Variants in PCDHA2 observed in about 807,000 individuals in gnomAD.
PCDHA2 encodes protocadherin alpha-2.
A neutral mutation model predicts 66.0 loss-of-function variants in PCDHA2; 58 were observed. The ratio of observed to expected loss-of-function variants is 0.88; its 90% confidence interval spans 0.71 to 1.09. The LOEUF (loss-of-function observed/expected upper bound fraction) is 1.09. PCDHA2 is among the 50% of genes least tolerant of loss of function. The probability of loss-of-function intolerance (pLI) is 0.00; values close to 1 mark genes in which losing one functional copy is unlikely to be tolerated. For synonymous variants in PCDHA2, 634 were observed against 554.0 expected (o/e 1.14, Z -2.03); for missense variants, 1,267 against 1,242.3 (o/e 1.02, Z -0.30).
At chr5:140,866,880 C>T (rs1270572722) in intron 1 of PCDHA2, 2 of 152,032 alleles carry the variant, frequency 1.3e-5, no homozygotes, top group Non-Finnish European at 2.9e-5. Context: ...TTGGTATTAG[C>T]CTATACCCAG....
At chr5:140,802,166 G>C in intron 1 of PCDHA2, 1 of 1,614,168 alleles carries the variant, frequency 6.2e-7, no homozygotes, top group Non-Finnish European at 8.5e-7. Context: ...TAGAAGCCAC[G>C]GATAAAGGAA....
chr5:140,927,191 T>C, intron 1 of PCDHA2: 16 of 1,614,144 alleles, frequency 9.9e-6, no homozygotes, highest in Non-Finnish European at 1.4e-5. Context: ...TACGACCTGG[T>C]GCTCGAGGAC....
intron 1 of PCDHA2, among the ~76,000 whole-genome samples, chr5:140,798,630 A>C (rs1177258898): frequency 2.6e-5 from 4 of 152,184 alleles, no homozygotes; most frequent in African/African-American, 7.2e-5. Flanking sequence ...ATTTTCCATT[A>C]ATGTGAGCTC....
At chr5:140,979,966 A>G (rs1029035910) in intron 2 of PCDHA2, among the ~76,000 whole-genome samples, 7 of 152,258 alleles carry the variant, frequency 4.6e-5, no homozygotes, top group Non-Finnish European at 7.3e-5. Context: ...TTAGCCCATT[A>G]AAATGCATTA....
intron 1 of PCDHA2, chr5:140,836,726 C>A (rs1326875671): frequency 1.9e-6 from 3 of 1,610,534 alleles, no homozygotes; most frequent in Non-Finnish European, 2.5e-6. Context: ...AGGGTCCATC[C>A]TCTACAGACA....
chr5:140,847,929 T>C (rs1164805160), intron 1 of PCDHA2: 1 of 151,198 alleles, frequency 6.6e-6, no homozygotes, highest in African/African-American at 2.4e-5. Context: ...CACTAGAGAT[T>C]GCAACTCCTG....
chr5:140,963,021 G>A (rs2095729854), intron 1 of PCDHA2, among the ~76,000 whole-genome samples: 1 of 152,150 alleles, frequency 6.6e-6, no homozygotes, highest in Non-Finnish European at 1.5e-5. Flanking sequence ...AGAAAATGAA[G>A]CAATTAACAT....
rs17844248 is a variant in PCDHA2 at position 140,796,116 on chromosome 5, T to C, written c.1152T>C (p.His384=). The C allele has an allele frequency of 1.9e-6, 3 of 1,614,092 alleles. No individual in the cohort carries two copies. Among genetic ancestry groups the C allele is most frequent in the Non-Finnish European group, 2.5e-6 (3 of 1,180,038 alleles). Reference sequence around the variant, plus strand: ...ATCGCGACTCTGGTACGAATGGACATGTCACCTGCTCCCTGACGCCCCACG... The same window carrying C: ...ATCGCGACTCTGGTACGAATGGACACGTCACCTGCTCCCTGACGCCCCACG... ...VSDRDSGTNG[H]VTCSLTPHVP... The change falls in exon 1 of 4, where the codon CAT becomes CAC. Residue 384 remains histidine, a synonymous_variant. Coordinates refer to ENST00000526136, the MANE Select transcript of PCDHA2 (RefSeq NM_018905.3).
intron 3 of PCDHA2, among the ~76,000 whole-genome samples, chr5:140,987,298 G>A (rs2097247103): frequency 6.6e-6 from 1 of 152,086 alleles, no homozygotes; most frequent in South Asian, 2.1e-4. Context: ...AGCCTTCTAT[G>A]TGATACCAAT....
intron 1 of PCDHA2, among the ~76,000 whole-genome samples, chr5:140,800,611 A>C (rs1762580148): frequency 6.6e-6 from 1 of 152,204 alleles, no homozygotes; most frequent in East Asian, 1.9e-4. Context: ...ATCAGATTGA[A>C]ATCCCATCGT....
In PCDHA2 at chr5:140,929,209, G is replaced by A. The variant is rs553616030; in HGVS notation, c.2389-49740G>A. Reference sequence around the variant, plus strand: ...TGATAATAACAGTTTGCTGTTGCGTGGGGAGTACAATGCTGCCGACCTGCG... The same window carrying A: ...TGATAATAACAGTTTGCTGTTGCGTAGGGAGTACAATGCTGCCGACCTGCG... On this transcript the variant is annotated intron_variant, in intron 1 of 3. Transcript: ENST00000526136. 71 of 1,614,054 alleles carry A rather than the reference G, an allele frequency of 4.4e-5. 2 individuals carry two copies. The South Asian group carries it at 7.1e-4, about 16-fold the overall frequency.
chr5:140,844,506 G>T (rs1779414039), intron 1 of PCDHA2, among the ~76,000 whole-genome samples: 1 of 148,856 alleles, frequency 6.7e-6, no homozygotes, highest in South Asian at 2.1e-4. Context: ...CTTTATTCTT[G>T]CAAGTATCTT....
chr5:140,953,951 A>C (rs1554221165), intron 1 of PCDHA2, among the ~76,000 whole-genome samples: 1 of 151,876 alleles, frequency 6.6e-6, no homozygotes, highest in Admixed American at 6.6e-5. Context: ...TGCTCCCCCA[A>C]CAGGCCCCAG....
chr5:140,802,873 A>C (rs1554122424), intron 1 of PCDHA2: 9 of 1,613,654 alleles, frequency 5.6e-6, no homozygotes, highest in Non-Finnish European at 6.8e-6. Context: ...CTGGACGAGA[A>C]CGACAACGCG....
chr5:140,822,344 T>A, intron 1 of PCDHA2: 1 of 1,614,076 alleles, frequency 6.2e-7, no homozygotes, highest in African/African-American at 1.3e-5. Context: ...GAAACGAACT[T>A]TTTAGAGCTG....
chr5:140,999,032 C>T (rs2097843779), intron 3 of PCDHA2, among the ~76,000 whole-genome samples: 1 of 152,236 alleles, frequency 6.6e-6, no homozygotes, highest in South Asian at 2.1e-4. Flanking sequence ...TTTGATACTT[C>T]GTCCAGTGTG....
intron 1 of PCDHA2, chr5:140,967,556 G>A (rs1586226034): frequency 6.2e-7 from 1 of 1,614,030 alleles, no homozygotes; most frequent in East Asian, 2.2e-5. Context: ...CACTTATCGC[G>A]TCCAGCTACG....
intron 3 of PCDHA2, among the ~76,000 whole-genome samples, chr5:141,000,421 ATTTTTTT>A (rs34755515): frequency 5.7e-4 from 16 of 27,976 alleles, no homozygotes; most frequent in Non-Finnish European, 7.4e-4. Flanking sequence ...ATATATATAT[ATTTTTTT>A]TTTTTTTTTT....
intron 1 of PCDHA2, chr5:140,809,983 A>T (rs1554125393): frequency 6.3e-6 from 1 of 158,314 alleles, no homozygotes; most frequent in East Asian, 1.9e-4. Flanking sequence ...CCTCGCATGC[A>T]CCTGCCAAAT....
Sources: allele counts gnomAD v4.1 joint callset (sites outside exome capture counted in the v4.1 genomes callset), GRCh38; gene constraint gnomAD v4.1.1; transcripts MANE v1.5; gene names NCBI Gene and HGNC (gene_info 2026-07-23, HGNC 2026-07-21).